Variants in PFKFB3 observed in about 807,000 individuals in gnomAD.
PFKFB3 encodes the protein 6-phosphofructo-2-kinase/fructose-2,6-bisphosphatase 3.
Under a neutral mutation model 68.0 loss-of-function variants are expected in PFKFB3, and 33 were observed. The observed-to-expected ratio is 0.49, with a 90% confidence interval of 0.37 to 0.65. The LOEUF (loss-of-function observed/expected upper bound fraction) is 0.65. PFKFB3 is among the 30% of genes least tolerant of loss of function. The pLI is 0.00. For synonymous variants in PFKFB3, 315 were observed against 288.2 expected, an observed-to-expected ratio of 1.09 and a Z score of -0.94; for missense variants, 586 against 712.2, an observed-to-expected ratio of 0.82 and a Z score of 2.02.
At chr10:6,240,840 A>G (rs1049967539) in intron 14 of PFKFB3, among the ~76,000 whole-genome samples, 1 of 149,958 alleles carries the variant, frequency 6.7e-6, no homozygotes, top group East Asian at 2.0e-4. Context: ...ACAATTTCTC[A>G]CTCTTTCCTT....
intron 1 of PFKFB3, among the ~76,000 whole-genome samples, chr10:6,174,674 C>A (rs1357709917): frequency 2.0e-5 from 3 of 152,348 alleles, no homozygotes; most frequent in African/African-American, 7.2e-5. Flanking sequence ...GGGCACAAAG[C>A]CCCAGAGGAA....
rs558584276 is a variant in PFKFB3, at chr10:6,207,323, G to T, written c.76+3987G>T. On this transcript the variant is annotated intron_variant, in intron 1 of 14. Coordinates refer to ENST00000379775, the MANE Select transcript of PFKFB3 (RefSeq NM_004566.4). ...CGTGGCGGCGCCTCCTGCAATCGCA[G>T]GCACTCGGCAGGCTGAGGCAGGAGA... Among the ~76,000 whole-genome samples, 6 of 152,376 alleles carry T rather than the reference G, an allele frequency of 3.9e-5. No individual in the cohort carries two copies. In the East Asian group the frequency reaches 7.7e-4, roughly 20 times the overall value.
the PFKFB3 span, among the ~76,000 whole-genome samples, chr10:6,325,184 A>C: frequency 4.0e-4 from 61 of 152,116 alleles, no homozygotes; most frequent in Non-Finnish European, 6.3e-4. Flanking sequence ...GGCTGGTCTC[A>C]AACTCCTGGA....
chr10:6,289,591 T>C, the PFKFB3 span, among the ~76,000 whole-genome samples: 1 of 150,890 alleles, frequency 6.6e-6, no homozygotes, highest in African/African-American at 2.4e-5. Context: ...AGTACCATGC[T>C]GTTTTGGTTA....
At chr10:6,219,179 A>G (rs1844784352) in intron 6 of PFKFB3, among the ~76,000 whole-genome samples, 1 of 152,184 alleles carries the variant, frequency 6.6e-6, no homozygotes, top group African/African-American at 2.4e-5. Context: ...ATACCTTAGA[A>G]CCAGCAGCCT....
At chr10:6,227,393 C>T (rs931118013) in intron 14 of PFKFB3, among the ~76,000 whole-genome samples, 10 of 152,188 alleles carry the variant, frequency 6.6e-5, no homozygotes, top group African/African-American at 2.4e-4. Context: ...CTGGTGCTGG[C>T]TCTGAGCATC....
chr10:6,272,765 C>T, the PFKFB3 span, among the ~76,000 whole-genome samples: 155 of 152,196 alleles, frequency 1.0e-3, 1 homozygote, highest in South Asian at 2.5e-3. Context: ...TTCCGTCAGC[C>T]CTGTTCCATA....
At chr10:6,219,794 AAT>A in intron 7 of PFKFB3, 101 bp downstream of exon 7, 3 of 1,362,218 alleles carry the variant, frequency 2.2e-6, no homozygotes, top group Non-Finnish European at 3.0e-6. Context: ...CCTTTAAAAA[AAT>A]TTTTTTAAGA....
chr10:6,221,631 G>T lies in PFKFB3; in HGVS notation c.979-10G>T, dbSNP rs777587700. The T allele has an allele frequency of 6.2e-7, 1 of 1,609,878 alleles. No individual in the cohort carries two copies. Among genetic ancestry groups the T allele is most frequent in the Admixed American group, 1.7e-5 (1 of 59,272 alleles). ...GTTTGTTCCCCTGAGTGACCACTGG[G>T]TCCCCGCAGGGCGTCTGTGAGGAGC... is the stretch of plus-strand genomic sequence containing the variant. On this transcript the variant is annotated splice_polypyrimidine_tract_variant and intron_variant, in intron 9 of 14. Transcript: ENST00000379775.
At chr10:6,231,154 A>G (rs1255483397) in intron 14 of PFKFB3, 5 of 834,706 alleles carry the variant, frequency 6.0e-6, no homozygotes, top group Middle Eastern at 2.2e-4. Flanking sequence ...TTGTGATGCA[A>G]CCTTCATTTT....
At chr10:6,202,838 C>T (rs1843419516), upstream of PFKFB3, 4 of 997,656 alleles carry the variant, frequency 4.0e-6, no homozygotes, top group Non-Finnish European at 4.8e-6. Context: ...TGGAAGGGGG[C>T]TGGGACCCAA....
intron 1 of PFKFB3, among the ~76,000 whole-genome samples, chr10:6,147,058 C>T (rs1192765399): frequency 6.6e-6 from 1 of 152,140 alleles, no homozygotes; most frequent in Non-Finnish European, 1.5e-5. Flanking sequence ...GCAGGTGGGA[C>T]CTCTCACTTA....
chr10:6,299,064 G>A, the PFKFB3 span, among the ~76,000 whole-genome samples: 1 of 152,258 alleles, frequency 6.6e-6, no homozygotes, highest in Non-Finnish European at 1.5e-5. Context: ...TCTTTAGGTT[G>A]ACAAATAAAA....
intron 1 of PFKFB3, among the ~76,000 whole-genome samples, chr10:6,165,584 A>C (rs1007623347): frequency 2.0e-5 from 3 of 152,292 alleles, no homozygotes; most frequent in Admixed American, 6.5e-5. Flanking sequence ...CGTTCTTTGC[A>C]GGAGCCAGAT....
At chr10:6,239,545 G>A (rs958947094), downstream of PFKFB3, among the ~76,000 whole-genome samples, 2 of 152,318 alleles carry the variant, frequency 1.3e-5, no homozygotes, top group Admixed American at 6.5e-5. Flanking sequence ...TCTGGAGTGG[G>A]TCATAACTCA....
At chr10:6,317,255 G>A in the PFKFB3 span, among the ~76,000 whole-genome samples, 1 of 152,204 alleles carries the variant, frequency 6.6e-6, no homozygotes, top group Non-Finnish European at 1.5e-5. Context: ...ACAACCATGA[G>A]AGGCAGTGCA....
chr10:6,260,860 T>A, the PFKFB3 span, among the ~76,000 whole-genome samples: 778 of 152,360 alleles, frequency 5.1e-3, 10 homozygotes, highest in Admixed American at 0.014. Context: ...CATCTTCCAC[T>A]GAAAAAGGGC....
chr10:6,298,593 T>G, the PFKFB3 span, among the ~76,000 whole-genome samples: 1 of 152,140 alleles, frequency 6.6e-6, no homozygotes, highest in Non-Finnish European at 1.5e-5. Flanking sequence ...GTTGAACTTC[T>G]GGCCTCAAGC....
the PFKFB3 span, among the ~76,000 whole-genome samples, chr10:6,268,271 G>C: frequency 1.3e-5 from 2 of 152,180 alleles, no homozygotes; most frequent in African/African-American, 4.8e-5. Context: ...TCTTTTTGGA[G>C]ATTGCGTAGA....
Sources: allele counts gnomAD v4.1 joint callset (sites outside exome capture counted in the v4.1 genomes callset), GRCh38; gene constraint gnomAD v4.1.1; transcripts MANE v1.5; gene names NCBI Gene and HGNC (gene_info 2026-07-23, HGNC 2026-07-21).